The following LRBA variants were observed in gnomAD, a reference collection of about 807,000 sequenced individuals.
LRBA encodes the protein LPS responsive beige-like anchor protein.
LRBA carries 176 observed loss-of-function variants against 330.0 expected under a neutral mutation model. The ratio of observed to expected loss-of-function variants is 0.53; its 90% CI spans 0.47 to 0.60. The LOEUF (loss-of-function observed/expected upper bound fraction) is 0.60, where lower values mean the gene tolerates loss of function less well. Among genes scored for constraint, LRBA ranks in the 20% least tolerant of loss-of-function variants. The probability of loss-of-function intolerance (pLI) is 0.00; values close to 1 mark genes in which losing one functional copy is unlikely to be tolerated. For missense variants in LRBA, 3,259 were observed against 3,444.8 expected (o/e 0.95, Z 1.35); for synonymous variants, 1,230 against 1,193.0 (o/e 1.03, Z -0.64).
rs546285377 is a variant in LRBA, at chr4:150,576,930, TA to T, written c.6330+11117del. On this transcript the variant is annotated intron_variant, in intron 40 of 56. Transcript: ENST00000651943. ...CCCTTGGGTTACTAATCAAAGAGAGTAAAAAAAAATTTTTTTTATTAAGGCT... is the reference window on the plus strand; with the variant it reads ...CCCTTGGGTTACTAATCAAAGAGAGTAAAAAAAATTTTTTTTATTAAGGCT... Among the ~76,000 whole-genome samples, 710 of 151,632 alleles carry T rather than the reference TA, an allele frequency of 4.7e-3. 6 individuals are homozygous for T. Among genetic ancestry groups the T allele is most frequent in the African/African-American group, 0.016 (679 of 41,434 alleles).
chr4:150,477,406 T>C (rs771801294), intron 42 of LRBA, among the ~76,000 whole-genome samples: 2 of 151,986 alleles, frequency 1.3e-5, no homozygotes, highest in Non-Finnish European at 2.9e-5. Flanking sequence ...ACTACAATCA[T>C]GGTGGAAGGC....
intron 32 of LRBA, among the ~76,000 whole-genome samples, chr4:150,807,402 C>G (rs997613239): frequency 7.9e-5 from 12 of 152,100 alleles, no homozygotes; most frequent in African/African-American, 2.4e-4. Flanking sequence ...TAGCTATACT[C>G]GAAGCACTCA....
At chr4:150,558,557 G>A (rs757662627) in intron 40 of LRBA, among the ~76,000 whole-genome samples, 1 of 152,036 alleles carries the variant, frequency 6.6e-6, no homozygotes, top group Non-Finnish European at 1.5e-5. Context: ...TATGCTCCAG[G>A]CTCATCTTGT....
intron 38 of LRBA, among the ~76,000 whole-genome samples, chr4:150,592,246 A>T (rs1031216957): frequency 1.3e-5 from 2 of 148,470 alleles, no homozygotes; most frequent in Middle Eastern, 3.5e-3. Context: ...CAGTAACACG[A>T]CTAATATATA....
intron 42 of LRBA, among the ~76,000 whole-genome samples, chr4:150,476,595 C>T (rs1361812082): frequency 1.3e-5 from 2 of 152,178 alleles, no homozygotes; most frequent in East Asian, 3.8e-4. Flanking sequence ...AAGCTTCTAA[C>T]TGCAAAATAA....
At chr4:150,500,595 T>A (rs1418698745) in intron 40 of LRBA, among the ~76,000 whole-genome samples, 1 of 151,824 alleles carries the variant, frequency 6.6e-6, no homozygotes, top group African/African-American at 2.4e-5. Flanking sequence ...AATAAATAAA[T>A]AAATAATCCC....
At chr4:150,817,517 G>A (rs1230238275) in intron 30 of LRBA, among the ~76,000 whole-genome samples, 1 of 151,178 alleles carries the variant, frequency 6.6e-6, no homozygotes, top group Non-Finnish European at 1.5e-5. Flanking sequence ...TTAAAATTTA[G>A]GATCATCTTA....
At chr4:150,290,583 A>G (rs977896209) in intron 53 of LRBA, among the ~76,000 whole-genome samples, 1 of 152,216 alleles carries the variant, frequency 6.6e-6, no homozygotes, top group African/African-American at 2.4e-5. Context: ...GAAAAATAAA[A>G]AGAGAAAGAG....
intron 40 of LRBA, among the ~76,000 whole-genome samples, chr4:150,587,070 T>A (rs907494802): frequency 1.3e-5 from 2 of 152,134 alleles, no homozygotes; most frequent in Non-Finnish European, 2.9e-5. Flanking sequence ...CCAAGTCCTG[T>A]CTTAATAAAG....
chr4:150,835,870 T>G (rs1176301520), intron 28 of LRBA, among the ~76,000 whole-genome samples: 1 of 152,156 alleles, frequency 6.6e-6, no homozygotes, highest in Non-Finnish European at 1.5e-5. Context: ...GGGCATCGCT[T>G]TCTTGTGCCA....
intron 31 of LRBA, among the ~76,000 whole-genome samples, chr4:150,813,331 T>A (rs1173372865): frequency 6.6e-6 from 1 of 152,100 alleles, no homozygotes; most frequent in African/African-American, 2.4e-5. Flanking sequence ...ATATGCCTTA[T>A]CCTCTGATGA....
chr4:150,597,644 T>C (rs1263907931), intron 38 of LRBA, among the ~76,000 whole-genome samples: 2 of 151,644 alleles, frequency 1.3e-5, no homozygotes, highest in Non-Finnish European at 1.5e-5. Flanking sequence ...TACATTTTGT[T>C]AAAAATTGCA....
intron 44 of LRBA, among the ~76,000 whole-genome samples, chr4:150,457,192 A>G (rs529116524): frequency 1.3e-5 from 2 of 152,080 alleles, no homozygotes; most frequent in Non-Finnish European, 2.9e-5. Flanking sequence ...TCAAATGATA[A>G]ATTTTGGATT....
chr4:150,512,399 T>G (rs746243688), intron 40 of LRBA, among the ~76,000 whole-genome samples: 1 of 152,220 alleles, frequency 6.6e-6, no homozygotes, highest in African/African-American at 2.4e-5. Context: ...TTCCAAAATA[T>G]GTTGAAATCC....
Position 150,805,542 on chromosome 4 carries a change from GAAGGAAAGGAAAGGAAAGGAAAGGA to G in LRBA, c.5518+704_5518+728del, listed in dbSNP as rs201716281. ...AGGAAAAGGAAAGGAAAGGAAGGGAGAAGGAAAGGAAAGGAAAGGAAAGGAAAGGAAAGGAAAGGAAAGGAAAGGA... is the reference window on the plus strand; with the variant it reads ...AGGAAAAGGAAAGGAAAGGAAGGGAGAAGGAAAGGAAAGGAAAGGAAAGGA... On this transcript the variant is annotated intron_variant, in intron 33 of 56. Coordinates refer to ENST00000651943, the MANE Select transcript of LRBA (RefSeq NM_001364905.1). Among the ~76,000 whole-genome samples, 436 of 55,160 alleles carry G rather than the reference GAAGGAAAGGAAAGGAAAGGAAAGGA, an allele frequency of 7.9e-3. 8 individuals are homozygous for G. The highest frequency in any genetic ancestry group is 0.032 in the African/African-American group (399 of 12,578). The allele number at this position is 55,160 out of a possible 152,430, so 36.2% of individuals were successfully genotyped here.
intron 37 of LRBA, among the ~76,000 whole-genome samples, chr4:150,616,095 T>G (rs1775746423): frequency 6.6e-6 from 1 of 152,218 alleles, no homozygotes; most frequent in Non-Finnish European, 1.5e-5. Context: ...CAGTTACCAC[T>G]GCCCAAACTA....
intron 37 of LRBA, among the ~76,000 whole-genome samples, chr4:150,651,374 C>G (rs1306212717): frequency 6.6e-6 from 1 of 152,140 alleles, no homozygotes; most frequent in African/African-American, 2.4e-5. Context: ...CCAACACCAT[C>G]ACAGTACCTG....
At chr4:150,737,052 A>G (rs889166025) in intron 35 of LRBA, among the ~76,000 whole-genome samples, 4 of 152,168 alleles carry the variant, frequency 2.6e-5, no homozygotes, top group African/African-American at 9.7e-5. Flanking sequence ...CATCTCTACC[A>G]AGAAAGTTTT....
intron 30 of LRBA, among the ~76,000 whole-genome samples, chr4:150,822,164 A>C (rs1745535895): frequency 6.6e-6 from 1 of 152,182 alleles, no homozygotes; most frequent in Admixed American, 6.5e-5. Flanking sequence ...GACATGTTAA[A>C]TTCTACAGAA....
Sources: gnomAD v4.1 joint callset for allele counts (sites outside exome capture counted in the v4.1 genomes callset) on GRCh38, gnomAD v4.1.1 for gene constraint, MANE v1.5 for transcripts, NCBI Gene and HGNC (gene_info 2026-07-23, HGNC 2026-07-21) for gene names.